Variants in GRIN2B observed in about 807,000 individuals in gnomAD.
GRIN2B encodes the protein glutamate receptor ionotropic, NMDA 2B.
GRIN2B carries 5 observed loss-of-function variants against 114.5 expected under a neutral mutation model. That is an observed-to-expected ratio of 0.04 (90% confidence interval 0.02 to 0.09). GRIN2B has a LOEUF of 0.09. Ranked by LOEUF, GRIN2B falls within the 10% of genes least tolerant of loss-of-function variation. The pLI is 1.00. For missense variants in GRIN2B, 1,108 were observed against 1,943.5 expected (o/e 0.57, Z 8.08); for synonymous variants, 787 against 745.1 (o/e 1.06, Z -0.92).
chr12:13,954,629 G>A (rs765604374), intron 2 of GRIN2B, among the ~76,000 whole-genome samples: 1 of 151,484 alleles, frequency 6.6e-6, no homozygotes, highest in Non-Finnish European at 1.5e-5. Context: ...GGCCAACATG[G>A]TGAAACACCA....
At chr12:13,725,183 T>C (rs973620825) in intron 4 of GRIN2B, among the ~76,000 whole-genome samples, 1 of 152,082 alleles carries the variant, frequency 6.6e-6, no homozygotes, top group African/African-American at 2.4e-5. Context: ...CTCAGGATAA[T>C]AGTGTCCCCT....
At chr12:13,725,889 G>A (rs1245784459) in intron 4 of GRIN2B, among the ~76,000 whole-genome samples, 1 of 152,058 alleles carries the variant, frequency 6.6e-6, no homozygotes, top group Non-Finnish European at 1.5e-5. Context: ...ACTGCAAAAT[G>A]AACTTCACAA....
intron 4 of GRIN2B, among the ~76,000 whole-genome samples, chr12:13,716,510 C>T (rs1226493722): frequency 6.6e-6 from 1 of 151,708 alleles, no homozygotes; most frequent in Non-Finnish European, 1.5e-5. Flanking sequence ...AGAACCCTAC[C>T]TAAATGGGCC....
intron 2 of GRIN2B, among the ~76,000 whole-genome samples, chr12:13,869,123 G>A (rs1865867878): frequency 6.6e-6 from 1 of 152,090 alleles, no homozygotes; most frequent in South Asian, 2.1e-4. Flanking sequence ...ACCAATATAT[G>A]ATGATGTGTC....
intron 11 of GRIN2B, among the ~76,000 whole-genome samples, chr12:13,571,243 AT>A (rs1948704921): frequency 6.6e-6 from 1 of 152,198 alleles, no homozygotes; most frequent in Non-Finnish European, 1.5e-5. Context: ...TGGAGGCCAA[AT>A]GAACAAAGGG....
At chr12:13,691,993 A>G (rs544662665) in intron 4 of GRIN2B, among the ~76,000 whole-genome samples, 11 of 152,268 alleles carry the variant, frequency 7.2e-5, no homozygotes, top group African/African-American at 2.6e-4. Context: ...ATGTGTCTAA[A>G]GTGTCGAGGC....
chr12:13,914,490 G>A (rs1224352859), intron 2 of GRIN2B, among the ~76,000 whole-genome samples: 1 of 152,134 alleles, frequency 6.6e-6, no homozygotes, highest in Admixed American at 6.5e-5. Context: ...AATCAATACA[G>A]TCACTATGGA....
intron 2 of GRIN2B, among the ~76,000 whole-genome samples, chr12:13,870,602 A>G (rs1865889100): frequency 6.6e-6 from 1 of 152,180 alleles, no homozygotes; most frequent in Non-Finnish European, 1.5e-5. Flanking sequence ...GGCAACCACA[A>G]CTGGAAGAAT....
intron 2 of GRIN2B, among the ~76,000 whole-genome samples, chr12:13,876,223 A>G (rs1413915785): frequency 2.0e-5 from 3 of 152,214 alleles, no homozygotes; most frequent in Admixed American, 6.5e-5. Context: ...GAAGGAAGAG[A>G]GTAACTTAAA....
In GRIN2B at chr12:13,578,901, A is replaced by G. The variant is rs146409261; in HGVS notation, c.2011-6937T>C. Among the ~76,000 whole-genome samples the G allele has an allele frequency of 2.2e-3, 341 of 152,258 alleles. 1 individual carries two copies. The highest frequency in any genetic ancestry group is 8.0e-3 in the African/African-American group (331 of 41,560). ...CATACAAAGACAAGGGGGAAAATGT[A>G]TCAGGCTCAGGAAACAGCAAATGCA... On this transcript the variant is annotated intron_variant, in intron 10 of 13. Transcript: ENST00000609686.
chr12:13,937,084 T>TTAA, intron 2 of GRIN2B, among the ~76,000 whole-genome samples: 1 of 18,596 alleles, frequency 5.4e-5, no homozygotes, highest in African/African-American at 1.8e-4. Flanking sequence ...AGCACAGAAA[T>TTAA]AAAAAAAAAA....
chr12:13,811,375 A>G (rs1864726233), intron 3 of GRIN2B, among the ~76,000 whole-genome samples: 1 of 152,172 alleles, frequency 6.6e-6, no homozygotes, highest in African/African-American at 2.4e-5. Flanking sequence ...CTTGAGTTCA[A>G]GAGTTAAAGA....
intron 2 of GRIN2B, among the ~76,000 whole-genome samples, chr12:13,938,670 G>C (rs1421626552): frequency 6.6e-6 from 1 of 152,160 alleles, no homozygotes; most frequent in Non-Finnish European, 1.5e-5. Context: ...TGAAATTCTA[G>C]AGCAAAGCTA....
chr12:13,722,682 A>C (rs957693979), intron 4 of GRIN2B, among the ~76,000 whole-genome samples: 2 of 152,138 alleles, frequency 1.3e-5, no homozygotes, highest in Non-Finnish European at 2.9e-5. Context: ...GTTATTTTGA[A>C]GTGGGAGAAA....
intron 10 of GRIN2B, among the ~76,000 whole-genome samples, chr12:13,600,487 ATGTGTGTGTGCATGTG>A (rs1488695634): frequency 6.8e-6 from 1 of 147,110 alleles, no homozygotes; most frequent in Non-Finnish European, 1.5e-5. Flanking sequence ...GAGGGTAGGG[ATGTGTGTGTGCATGTG>A]TGTGTGTGTG....
intron 4 of GRIN2B, among the ~76,000 whole-genome samples, chr12:13,707,410 T>C (rs1950370253): frequency 6.6e-6 from 1 of 152,130 alleles, no homozygotes; most frequent in African/African-American, 2.4e-5. Context: ...TATATCTTCT[T>C]CCTGAACTCA....
At chr12:13,896,498 C>T (rs894090772) in intron 2 of GRIN2B, among the ~76,000 whole-genome samples, 5 of 152,138 alleles carry the variant, frequency 3.3e-5, no homozygotes, top group African/African-American at 9.7e-5. Flanking sequence ...TTAAAGGGAA[C>T]GATCATTAAG....
intron 2 of GRIN2B, among the ~76,000 whole-genome samples, chr12:13,908,083 G>T (rs190571855): frequency 3.3e-5 from 5 of 151,992 alleles, no homozygotes; most frequent in African/African-American, 1.2e-4. Flanking sequence ...AACTCATGAC[G>T]CTCTGCACTG....
At chr12:13,747,696 C>A (rs1425637936) in intron 4 of GRIN2B, among the ~76,000 whole-genome samples, 5 of 152,156 alleles carry the variant, frequency 3.3e-5, no homozygotes, top group South Asian at 2.1e-4. Context: ...ATTCATGTAA[C>A]CTTTTGGTTG....
Sources: gnomAD v4.1 joint callset for allele counts (sites outside exome capture counted in the v4.1 genomes callset) on GRCh38, gnomAD v4.1.1 for gene constraint, MANE v1.5 for transcripts, NCBI Gene and HGNC (gene_info 2026-07-23, HGNC 2026-07-21) for gene names.